The following GXYLT1 variants were observed in gnomAD, a reference collection of about 807,000 sequenced individuals.
GXYLT1 encodes glucoside xylosyltransferase 1.
A neutral mutation model predicts 54.0 loss-of-function variants in GXYLT1; 29 were observed. The ratio of observed to expected loss-of-function variants is 0.54; its 90% CI spans 0.40 to 0.73. The LOEUF (loss-of-function observed/expected upper bound fraction) is 0.73. Ranked by LOEUF, GXYLT1 falls within the 30% of genes least tolerant of loss-of-function variation. GXYLT1 has a pLI of 0.00. For missense variants in GXYLT1, 490 were observed against 553.4 expected, an observed-to-expected ratio of 0.89 and a Z score of 1.15; for synonymous variants, 176 against 204.1, an observed-to-expected ratio of 0.86 and a Z score of 1.17.
At chr12:42,115,131 C>CA (rs1426199507) in intron 3 of GXYLT1, among the ~76,000 whole-genome samples, 1 of 152,102 alleles carries the variant, frequency 6.6e-6, no homozygotes, top group Non-Finnish European at 1.5e-5. Context: ...GGACGTATCT[C>CA]AAAATAATAA....
intron 5 of GXYLT1, among the ~76,000 whole-genome samples, chr12:42,100,940 T>C (rs547492810): frequency 6.6e-6 from 1 of 151,774 alleles, no homozygotes; most frequent in African/African-American, 2.4e-5. Flanking sequence ...ATAAATCAAA[T>C]ATATATATTT....
chr12:42,111,363 G>C (rs996270567), intron 3 of GXYLT1, among the ~76,000 whole-genome samples: 1 of 152,210 alleles, frequency 6.6e-6, no homozygotes, highest in Non-Finnish European at 1.5e-5. Context: ...AAGGGGTCAG[G>C]GAATTCCCTT....
At chr12:42,105,797 C>T (rs2065415770) in intron 5 of GXYLT1, 21 bp downstream of exon 5, 1 of 1,576,980 alleles carries the variant, frequency 6.3e-7, no homozygotes, top group Non-Finnish European at 8.6e-7. Flanking sequence ...ATGTTAACAA[C>T]TACCTGTATT....
chr12:42,122,139 G>A (rs905862753), intron 2 of GXYLT1, among the ~76,000 whole-genome samples: 3 of 152,174 alleles, frequency 2.0e-5, no homozygotes, highest in Admixed American at 1.3e-4. Context: ...AATAGAAGAG[G>A]AGATTTTAAA....
intron 1 of GXYLT1, among the ~76,000 whole-genome samples, chr12:42,131,065 A>G (rs190104901): frequency 2.0e-5 from 3 of 152,348 alleles, no homozygotes; most frequent in African/African-American, 7.2e-5. Flanking sequence ...TCCATATTAT[A>G]CAAGCTAAAA....
intron 2 of GXYLT1, among the ~76,000 whole-genome samples, chr12:42,128,538 G>A (rs1489962636): frequency 6.6e-6 from 1 of 152,032 alleles, no homozygotes; most frequent in African/African-American, 2.4e-5. Context: ...ACTCATCATA[G>A]CAACAACTTG....
At chr12:42,136,751 T>TACATACATAC (rs142593602) in intron 1 of GXYLT1, among the ~76,000 whole-genome samples, 3 of 147,370 alleles carry the variant, frequency 2.0e-5, no homozygotes, top group East Asian at 2.0e-4. Flanking sequence ...GGAGGTTTTT[T>TACATACATAC]ATACATACAT....
chr12:42,135,787 G>A (rs1038624439), intron 1 of GXYLT1, among the ~76,000 whole-genome samples: 27 of 152,152 alleles, frequency 1.8e-4, no homozygotes, highest in Admixed American at 1.6e-3. Flanking sequence ...GCTCATGACT[G>A]GGGGACTGAG....
intron 1 of GXYLT1, among the ~76,000 whole-genome samples, chr12:42,137,778 A>AAAAAAAG (rs2065629098): frequency 6.6e-6 from 1 of 150,768 alleles, no homozygotes; most frequent in Admixed American, 6.6e-5. Flanking sequence ...AAAAAAAAAA[A>AAAAAAAG]GTCAGTGATA....
At chr12:42,097,286 A>T (rs2136879470) in intron 7 of GXYLT1, among the ~76,000 whole-genome samples, 156 bp downstream of exon 7, 1 of 152,288 alleles carries the variant, frequency 6.6e-6, no homozygotes, top group East Asian at 1.9e-4. Flanking sequence ...AAAAAAATGT[A>T]GAGAGAAAAC....
rs17666080 is a variant in GXYLT1 at position 42,083,768 on chromosome 12, T to C, written c.*4018A>G. The stretch of plus-strand genomic sequence containing the variant: ...AAGGCAGGGCAGTGATTCCCAAACC[T>C]GGCCTCTCGTCAGTATCATCTGCGA... On this transcript the variant is annotated 3_prime_UTR_variant, in exon 8 of 8. Coordinates refer to ENST00000398675, the MANE Select transcript of GXYLT1 (RefSeq NM_173601.2). 9,874 of 152,136 alleles carry C rather than the reference T, an allele frequency of 0.065. 315 individuals carry two copies. The highest frequency in any genetic ancestry group is 0.099 in the Non-Finnish European group (6,751 of 67,890). 9.4% of individuals were successfully genotyped at this position (152,136 alleles called of 1,614,324 possible).
chr12:42,114,784 G>C (rs1326091547), intron 3 of GXYLT1, among the ~76,000 whole-genome samples: 1 of 152,098 alleles, frequency 6.6e-6, no homozygotes, highest in East Asian at 1.9e-4. Flanking sequence ...ATTTTATGAG[G>C]CCAGCATCAT....
At chr12:42,111,588 G>A (rs368829522) in intron 3 of GXYLT1, among the ~76,000 whole-genome samples, 15 of 152,336 alleles carry the variant, frequency 9.8e-5, no homozygotes, top group Non-Finnish European at 7.3e-5. Flanking sequence ...GAGGCGGGGC[G>A]CCTGCCATTG....
Position 42,144,640 on chromosome 12 carries a change from G to T in GXYLT1, c.7C>A (p.Arg3Ser), listed in dbSNP as rs547317637. The stretch of plus-strand genomic sequence containing the variant: ...CACAGCACCACGACGCGCAGGTAGC[G>T]CCGCATCGCCCCGGCCGCGCTCCTC... MR[R>S]YLRVVVLCVA... Residue 3 changes from arginine to serine, a missense_variant, in exon 1 of 8, where the codon CGC (arginine) becomes AGC (serine). Coordinates refer to ENST00000398675, the MANE Select transcript of GXYLT1 (RefSeq NM_173601.2). 6.9e-7 allele frequency: 1 copy of T among 1,449,498 alleles called. No homozygotes were observed. The highest frequency in any genetic ancestry group is 9.1e-7 in the Non-Finnish European group (1 of 1,097,228). 89.8% of individuals were successfully genotyped at this position (1,449,498 alleles called of 1,614,324 possible).
intron 5 of GXYLT1, among the ~76,000 whole-genome samples, chr12:42,102,361 T>C (rs1215597161): frequency 2.0e-5 from 3 of 152,202 alleles, no homozygotes; most frequent in Non-Finnish European, 2.9e-5. Flanking sequence ...AAACTCTTTA[T>C]CACATACATC....
At chr12:42,103,323 G>T (rs930520247) in intron 5 of GXYLT1, among the ~76,000 whole-genome samples, 3 of 152,176 alleles carry the variant, frequency 2.0e-5, no homozygotes, top group African/African-American at 7.2e-5. Flanking sequence ...GCCACAAGTA[G>T]TAAGAACCAG....
intron 1 of GXYLT1, among the ~76,000 whole-genome samples, chr12:42,137,014 C>T (rs2065623547): frequency 1.3e-5 from 2 of 152,070 alleles, no homozygotes. Flanking sequence ...TCAAGCAATC[C>T]ACCCACCTTT....
chr12:42,127,015 T>A (rs2065566852), intron 2 of GXYLT1, among the ~76,000 whole-genome samples: 1 of 152,204 alleles, frequency 6.6e-6, no homozygotes, highest in South Asian at 2.1e-4. Flanking sequence ...ATGTTCACTG[T>A]ATAATAAATT....
chr12:42,094,964 T>C (rs891084407), intron 7 of GXYLT1, among the ~76,000 whole-genome samples: 3 of 151,836 alleles, frequency 2.0e-5, no homozygotes, highest in African/African-American at 7.3e-5. Context: ...TTAGTTATTT[T>C]TAAAAAACTA....
Sources: gnomAD v4.1 joint callset for allele counts (sites outside exome capture counted in the v4.1 genomes callset) on GRCh38, gnomAD v4.1.1 for gene constraint, MANE v1.5 for transcripts, NCBI Gene and HGNC (gene_info 2026-07-23, HGNC 2026-07-21) for gene names.